MYOM3: variants seen among roughly 807,000 people sequenced by gnomAD.
MYOM3 encodes myomesin-3.
MYOM3 carries 155 observed loss-of-function variants against 191.7 expected under a neutral mutation model. The observed-to-expected ratio is 0.81, with a 90% CI of 0.71 to 0.92. The LOEUF (loss-of-function observed/expected upper bound fraction) is 0.92, where lower values mean the gene tolerates loss of function less well. Among genes scored for constraint, MYOM3 ranks in the 40% least tolerant of loss-of-function variants. The pLI is 0.00. For synonymous variants in MYOM3, 757 were observed against 762.9 expected, an observed-to-expected ratio of 0.99 and a Z score of 0.13; for missense variants, 1,889 against 1,890.6, an observed-to-expected ratio of 1.00 and a Z score of 0.02.
rs1643762890 is a variant in MYOM3, at chr1:24,087,366, C to A, written c.1615-539G>T. Among the ~76,000 whole-genome samples, 1 of 152,142 alleles carries A rather than the reference C, an allele frequency of 6.6e-6. No individual in the cohort carries two copies. Among genetic ancestry groups the A allele is most frequent in the Non-Finnish European group, 1.5e-5 (1 of 68,024 alleles). On this transcript the variant is annotated intron_variant, in intron 14 of 36. Transcript: ENST00000374434. This position sits in a 1 kb window ranked among gnomAD's most constrained non-coding sequence, Gnocchi z 4.5. The stretch of plus-strand genomic sequence containing the variant: ...TGTCTCAAATGGCCATCAGGGGGAT[C>A]CTTTTATAGCACGTGTCAGACCAGG...
intron 18 of MYOM3, 62 bp from the exon 19 acceptor site, chr1:24,081,518 A>G (rs2148551028): frequency 6.3e-7 from 1 of 1,590,550 alleles, no homozygotes; most frequent in East Asian, 2.2e-5. Flanking sequence ...GAACAGAAGC[A>G]GTGGTGCGGG....
At chr1:24,089,419 C>T in intron 14 of MYOM3, 119 bp downstream of exon 14, 2 of 1,348,902 alleles carry the variant, frequency 1.5e-6, no homozygotes, top group Non-Finnish European at 2.0e-6. Context: ...TGCCTGGGCC[C>T]TTCTGGCCAG....
intron 7 of MYOM3, among the ~76,000 whole-genome samples, chr1:24,097,357 T>C (rs999200501): frequency 6.6e-6 from 1 of 152,220 alleles, no homozygotes; most frequent in Admixed American, 6.5e-5. Context: ...GGTTGTGCTC[T>C]GTGCAAAGTT....
intron 35 of MYOM3, 97 bp from the exon 36 acceptor site, chr1:24,059,076 C>T (rs2148539879): frequency 1.3e-6 from 1 of 744,294 alleles, no homozygotes; most frequent in East Asian, 2.7e-5. Context: ...AGCAAGGCTT[C>T]TTTTTTTTCC....
At chr1:24,098,093 G>A in intron 6 of MYOM3, 82 bp from the exon 7 acceptor site, 2 of 899,872 alleles carry the variant, frequency 2.2e-6, no homozygotes, top group Admixed American at 3.5e-5. Context: ...GGTGGGAAAG[G>A]CTGGAACTAA....
Position 24,063,060 on chromosome 1 carries a change from G to T in MYOM3, c.3770+66C>A, listed in dbSNP as rs996587071. 8 of 1,045,666 alleles carry T rather than the reference G, an allele frequency of 7.7e-6. No homozygotes were observed. Among genetic ancestry groups the T allele is most frequent in the African/African-American group, 3.1e-5 (2 of 63,920 alleles). The allele number at this position is 1,045,666 out of a possible 1,614,324, so 64.8% of individuals were successfully genotyped here. On this transcript the variant is annotated intron_variant, in intron 32 of 36. Transcript: ENST00000374434. This position sits in a 1 kb window ranked among gnomAD's most constrained non-coding sequence, Gnocchi z 4.5. ...GACCAGGCAGGGAGAAGGGAGGGAGGCCCCCATGGGTCAGGTGCTGAATCC... is the reference window on the plus strand; with the variant it reads ...GACCAGGCAGGGAGAAGGGAGGGAGTCCCCCATGGGTCAGGTGCTGAATCC...
intron 25 of MYOM3, among the ~76,000 whole-genome samples, chr1:24,070,724 GA>G (rs970320193): frequency 1.1e-4 from 16 of 152,064 alleles, no homozygotes; most frequent in South Asian, 6.2e-4. Flanking sequence ...GATAAAAAAA[GA>G]AAAAAATTGT....
chr1:24,099,921 G>T (rs533795578), intron 5 of MYOM3, 146 bp from the exon 6 acceptor site: 74 of 632,404 alleles, frequency 1.2e-4, no homozygotes, highest in African/African-American at 1.0e-3. Context: ...AGGCTGGAGC[G>T]CAGTAGTACA....
Position 24,111,192 on chromosome 1 carries a change from G to A in MYOM3, c.-19+839C>T, listed in dbSNP as rs375376093. ...AACACTGTGTGTGCCTGCGTGGAGG[G>A]GAAACTGCCCCCGCTTCCCTCTCTT... On this transcript the variant is annotated intron_variant, in intron 1 of 36. Transcript: ENST00000374434. The surrounding 1 kb of genome is among the most constrained non-coding windows in gnomAD (Gnocchi z 4.7). Among the ~76,000 whole-genome samples the A allele has an allele frequency of 8.7e-4, 133 of 152,336 alleles. 2 individuals carry two copies. In the South Asian group the frequency reaches 0.024, roughly 28 times the overall value.
chr1:24,061,045 T>C lies in MYOM3; in HGVS notation c.3994+15A>G. On this transcript the variant is annotated intron_variant, in intron 35 of 36. Transcript: ENST00000374434. ...AATTCAGAAACAAAAACAACAGAAATATCGGCCGACTTACTCTTCTCGATG... is the reference window on the plus strand; with the variant it reads ...AATTCAGAAACAAAAACAACAGAAACATCGGCCGACTTACTCTTCTCGATG... 6.2e-7 allele frequency: 1 copy of C among 1,612,676 alleles called. No individual in the cohort carries two copies. Among genetic ancestry groups the C allele is most frequent in the Non-Finnish European group, 8.5e-7 (1 of 1,179,800 alleles).
At chr1:24,099,087 A>G (rs1298753328) in intron 6 of MYOM3, among the ~76,000 whole-genome samples, 1 of 152,110 alleles carries the variant, frequency 6.6e-6, no homozygotes, top group Non-Finnish European at 1.5e-5. Flanking sequence ...GATGAGTGAC[A>G]CAGGCCTTGG....
In MYOM3 at chr1:24,057,516, T is replaced by G; in HGVS notation, c.4162A>C (p.Thr1388Pro). The change falls in exon 37 of 37, where the codon ACA becomes CCA. Residue 1388 changes from threonine to proline, a missense_variant. Transcript: ENST00000374434. ...LDRYRMEVRG[T>P]EVTITIEKVN... ...TTCTCAATGGTGATGGTGACCTCTG[T>G]CCCCCTCACTTCCATGCGGTATCGG... The G allele has an allele frequency of 6.2e-7, 1 of 1,614,092 alleles. No homozygotes were observed. Among genetic ancestry groups the G allele is most frequent in the Non-Finnish European group, 8.5e-7 (1 of 1,180,012 alleles).
chr1:24,094,421 C>T (rs1643867745), intron 9 of MYOM3, among the ~76,000 whole-genome samples: 1 of 152,128 alleles, frequency 6.6e-6, no homozygotes, highest in Admixed American at 6.5e-5. Flanking sequence ...CCCACCTCAG[C>T]CTCCCAGAGT....
intron 23 of MYOM3, among the ~76,000 whole-genome samples, chr1:24,072,232 C>T (rs2148546500): frequency 1.3e-5 from 2 of 152,286 alleles, no homozygotes; most frequent in South Asian, 4.2e-4. Flanking sequence ...CTGCTGGCCA[C>T]CCTGAGATTG....
At position 24,095,428 on chromosome 1, in the gene MYOM3, C is replaced by T. The variant is rs1314660320; in HGVS notation, c.790+14G>A. The T allele has an allele frequency of 6.2e-7, 1 of 1,611,590 alleles. No homozygotes were observed. Among genetic ancestry groups the T allele is most frequent in the Non-Finnish European group, 8.5e-7 (1 of 1,178,466 alleles). On this transcript the variant is annotated intron_variant, in intron 8 of 36. Transcript: ENST00000374434. ...CAAAGAATCCCAGGTCCCGTTCTCC[C>T]CCAGCCGACTTACTTTTGAAGATCT...
At chr1:24,066,880 G>T in intron 28 of MYOM3, 141 bp downstream of exon 28, 1 of 740,698 alleles carries the variant, frequency 1.4e-6, no homozygotes, top group Non-Finnish European at 2.2e-6. Flanking sequence ...GTCTCCTCGG[G>T]GGTACTTTCT....
At chr1:24,094,111 C>A (rs536302570) in intron 9 of MYOM3, among the ~76,000 whole-genome samples, 6 of 152,132 alleles carry the variant, frequency 3.9e-5, no homozygotes, top group African/African-American at 1.4e-4. Flanking sequence ...ACTTGTGGTG[C>A]CCTCCTGCCT....
Position 24,090,987 on chromosome 1 carries a change from G to T in MYOM3, c.1242C>A (p.Gly414=), listed in dbSNP as rs747940294. ...ITAYTIERCQ[G]ESGEWIACHE... Reference sequence around the variant, plus strand: ...GGCAGGCGATCCATTCCCCAGACTCGCCCTGGCACCTGTTGGAGACAGGCC... The same window carrying T: ...GGCAGGCGATCCATTCCCCAGACTCTCCCTGGCACCTGTTGGAGACAGGCC... Residue 414 remains glycine, a synonymous_variant, in exon 12 of 37, where the codon GGC becomes GGA. Coordinates refer to ENST00000374434, the MANE Select transcript of MYOM3 (RefSeq NM_152372.4). 2.5e-6 allele frequency: 4 copies of T among 1,613,686 alleles called. No homozygotes were observed. The highest frequency in any genetic ancestry group is 1.1e-5 in the South Asian group (1 of 91,074).
In MYOM3 at chr1:24,061,066, C is replaced by T. The variant is rs777037452; in HGVS notation, c.3988G>A (p.Glu1330Lys). 2.0e-5 allele frequency: 32 copies of T among 1,613,888 alleles called. No individual in the cohort carries two copies. In the South Asian group the frequency reaches 2.9e-4, roughly 14 times the overall value. Reference protein sequence around the residue: ...HQRLKTLAIIEKNRAKVVRGL... With the variant: ...HQRLKTLAIIKKNRAKVVRGL... ...GAAATATCGGCCGACTTACTCTTCT[C>T]GATGATGGCCAAGGTTCTGAAAAAC... The change falls in exon 35 of 37, where the codon GAG becomes AAG. Residue 1330 changes from glutamate to lysine, a missense_variant. Transcript: ENST00000374434.
Sources: gnomAD v4.1 joint callset for allele counts (sites outside exome capture counted in the v4.1 genomes callset) on GRCh38, gnomAD v4.1.1 for gene constraint, Gnocchi (gnomAD v3.1) non-coding constraint, MANE v1.5 for transcripts, NCBI Gene and HGNC (gene_info 2026-07-23, HGNC 2026-07-21) for gene names.